The following GRM7 variants were observed in gnomAD, a reference collection of about 807,000 sequenced individuals.
GRM7 encodes the protein glutamate metabotropic receptor 7.
A neutral mutation model predicts 84.5 loss-of-function variants in GRM7; 35 were observed. That is an observed-to-expected ratio of 0.41 (90% CI 0.32 to 0.55). GRM7 has a LOEUF of 0.55. Ranked by LOEUF, GRM7 falls within the 20% of genes least tolerant of loss-of-function variation. GRM7 has a pLI of 0.19. For synonymous variants in GRM7, 487 were observed against 455.1 expected, an observed-to-expected ratio of 1.07 and a Z score of -0.89; for missense variants, 1,003 against 1,194.6, an observed-to-expected ratio of 0.84 and a Z score of 2.36.
intron 1 of GRM7, among the ~76,000 whole-genome samples, chr3:6,890,595 G>A (rs1391586458): frequency 6.6e-6 from 1 of 152,184 alleles, no homozygotes; most frequent in African/African-American, 2.4e-5. Context: ...TGGTCTGAGA[G>A]ACAGTTTGTT....
At chr3:7,541,919 A>G (rs560976272) in intron 7 of GRM7, among the ~76,000 whole-genome samples, 1 of 152,178 alleles carries the variant, frequency 6.6e-6, no homozygotes, top group Non-Finnish European at 1.5e-5. Flanking sequence ...AACTCACGGT[A>G]GAAATCTTCC....
intron 1 of GRM7, among the ~76,000 whole-genome samples, chr3:7,047,008 C>A (rs1001587920): frequency 2.0e-5 from 3 of 151,870 alleles, no homozygotes; most frequent in African/African-American, 7.3e-5. Context: ...TACATTTGAG[C>A]CATTGAGGCA....
At chr3:7,435,768 A>AG (rs1697025785) in intron 5 of GRM7, among the ~76,000 whole-genome samples, 1 of 147,680 alleles carries the variant, frequency 6.8e-6, no homozygotes, top group Admixed American at 6.9e-5. Flanking sequence ...GCTCACTGCA[A>AG]GATCTGCCTG....
intron 8 of GRM7, among the ~76,000 whole-genome samples, chr3:7,663,805 A>T (rs1003098869): frequency 6.6e-6 from 1 of 152,214 alleles, no homozygotes; most frequent in Non-Finnish European, 1.5e-5. Context: ...ACATTGGCAC[A>T]TAAGGATTTA....
chr3:7,196,906 A>G (rs1695897145), intron 2 of GRM7, among the ~76,000 whole-genome samples: 1 of 152,186 alleles, frequency 6.6e-6, no homozygotes, highest in Non-Finnish European at 1.5e-5. Context: ...AATACTGAAT[A>G]CATAAACAAA....
intron 1 of GRM7, among the ~76,000 whole-genome samples, chr3:7,030,272 G>A (rs891414826): frequency 6.6e-6 from 1 of 152,190 alleles, no homozygotes; most frequent in African/African-American, 2.4e-5. Context: ...GCAGTTCGAT[G>A]GTGGCTTGTA....
In GRM7 at chr3:7,578,504, A is replaced by G. The variant is rs1363938822; in HGVS notation, c.1598A>G (p.Lys533Arg). Residue 533 changes from lysine (K) to arginine (R), a missense_variant, in exon 8 of 10, where the codon AAG (lysine) becomes AGG (arginine). By Grantham distance (26) the Lys-to-Arg change is conservative (BLOSUM62 2). Around this residue, in one of 2 missense-constraint regions of GRM7, gnomAD observed 910 missense variants for 1,126.0 expected, o/e 0.81. Transcript: ENST00000357716. ...CTACCATGTAAGCCAGGACAGAGAA[A>G]GAAGACACAGAAAGGAACTCCTTGC... The part of the protein sequence containing the change: ...CTLPCKPGQR[K>R]KTQKGTPCCW... 1 of 1,614,100 alleles carries G rather than the reference A, an allele frequency of 6.2e-7. No homozygotes were observed. Among genetic ancestry groups the G allele is most frequent in the Admixed American group, 1.7e-5 (1 of 60,018 alleles).
chr3:7,449,650 A>C (rs1697683233), intron 5 of GRM7, among the ~76,000 whole-genome samples: 1 of 152,042 alleles, frequency 6.6e-6, no homozygotes, highest in Non-Finnish European at 1.5e-5. Context: ...TAAAATATCC[A>C]GAAATTTGAC....
intron 1 of GRM7, among the ~76,000 whole-genome samples, chr3:6,902,527 A>G (rs1356428836): frequency 1.3e-5 from 2 of 152,176 alleles, no homozygotes; most frequent in African/African-American, 4.8e-5. Flanking sequence ...CTAAGAGTCA[A>G]CTTGCCCCAG....
intron 3 of GRM7, among the ~76,000 whole-genome samples, chr3:7,305,475 C>T (rs1467789863): frequency 2.3e-5 from 2 of 88,222 alleles, no homozygotes; most frequent in African/African-American, 6.5e-5. Context: ...TTAGGTATAT[C>T]TCCCAATGCT....
At chr3:7,424,434 A>G (rs955597403) in intron 5 of GRM7, among the ~76,000 whole-genome samples, 4 of 152,200 alleles carry the variant, frequency 2.6e-5, no homozygotes, top group Admixed American at 2.6e-4. Flanking sequence ...TGCTAGGCAC[A>G]TAACAAAAAC....
chr3:7,673,545 A>G (rs1700012873), intron 8 of GRM7, among the ~76,000 whole-genome samples: 1 of 152,134 alleles, frequency 6.6e-6, no homozygotes, highest in African/African-American at 2.4e-5. Flanking sequence ...CCAGAACCTA[A>G]TAAAAATAGT....
At position 7,707,562 on chromosome 3, in the gene GRM7, A is replaced by G. The variant is rs141424007; in HGVS notation, c.2698+27267A>G. Among the ~76,000 whole-genome samples the G allele has an allele frequency of 5.8e-3, 879 of 152,320 alleles. 9 individuals carry two copies. The highest frequency in any genetic ancestry group is 0.014 in the Middle Eastern group (4 of 294). On this transcript the variant is annotated intron_variant, in intron 9 of 9. Transcript: ENST00000357716. ...AGCACCATGTTAAGTGGGCACAGTC[A>G]TTGGCCTGGCATCTATTTTTTTTAA...
chr3:7,616,114 T>C (rs1697068099), intron 8 of GRM7, among the ~76,000 whole-genome samples: 1 of 152,088 alleles, frequency 6.6e-6, no homozygotes, highest in African/African-American at 2.4e-5. Flanking sequence ...TAATGCTCTA[T>C]TTAGAAATTA....
rs534521387 is a variant in GRM7 at position 6,941,254 on chromosome 3, TTAGAACTGTCTTG to T, written c.519+79348_519+79360del. On this transcript the variant is annotated intron_variant, in intron 1 of 9. Transcript: ENST00000357716. ...GAACCCTCTGCTTTAGGTATACGAC[TTAGAACTGTCTTG>T]AAGAACTTTTAAAGTAATACCAAAA... 3.9e-5 allele frequency among the ~76,000 whole-genome samples: 6 copies of T among 152,352 alleles called. No homozygotes were observed. The South Asian group carries it at 6.2e-4, about 16-fold the overall frequency.
rs1214420066 is a variant in GRM7, at chr3:7,680,056, T to C, written c.2459T>C (p.Ile820Thr). ...GTGTGTTGTGTCTCCTAGCTCTACA[T>C]ACAAACTACCACGCTTACAATCTCC... ...GTAQSAEKLY[I>T]QTTTLTISMN... The change falls in exon 9 of 10, where the codon ATA becomes ACA. Residue 820 changes from isoleucine to threonine, a missense_variant. Physicochemically the swap from Ile to Thr is moderately conservative, Grantham distance 89 (BLOSUM62 -1). Coordinates refer to ENST00000357716, the MANE Select transcript of GRM7 (RefSeq NM_000844.4). 1 of 1,614,050 alleles carries C rather than the reference T, an allele frequency of 6.2e-7. No homozygotes were observed. The highest frequency in any genetic ancestry group is 8.5e-7 in the Non-Finnish European group (1 of 1,179,928).
chr3:7,078,583 C>T (rs1221393776), intron 1 of GRM7, among the ~76,000 whole-genome samples: 4 of 152,092 alleles, frequency 2.6e-5, no homozygotes, highest in African/African-American at 9.7e-5. Context: ...TAAGTGGAAT[C>T]TAGGAAGATT....
chr3:7,694,570 T>C (rs974323760), intron 9 of GRM7: 1 of 162,600 alleles, frequency 6.2e-6, no homozygotes, highest in African/African-American at 2.4e-5. Context: ...TGATCATTTT[T>C]GGAGCAATGA....
At chr3:7,577,627 A>G (rs1204452865) in intron 7 of GRM7, among the ~76,000 whole-genome samples, 1 of 152,204 alleles carries the variant, frequency 6.6e-6, no homozygotes, top group Non-Finnish European at 1.5e-5. Context: ...TCCCCTCCAG[A>G]AAACCAATGT....
Sources: allele counts gnomAD v4.1 joint callset (sites outside exome capture counted in the v4.1 genomes callset), GRCh38; gene constraint gnomAD v4.1.1; regional missense constraint gnomAD v4.1.1; transcripts MANE v1.5; gene names NCBI Gene and HGNC (gene_info 2026-07-23, HGNC 2026-07-21).